The following GRIA1 variants were observed in gnomAD, a reference collection of about 807,000 sequenced individuals.
GRIA1 encodes glutamate ionotropic receptor AMPA type subunit 1.
GRIA1 carries 31 observed loss-of-function variants against 99.2 expected under a neutral mutation model. The observed-to-expected ratio is 0.31, with a 90% confidence interval of 0.23 to 0.42. GRIA1 has a LOEUF of 0.42. GRIA1 is among the 10% of genes least tolerant of loss of function. GRIA1 has a pLI of 1.00. For synonymous variants in GRIA1, 438 were observed against 432.4 expected, an observed-to-expected ratio of 1.01 and a Z score of -0.16; for missense variants, 782 against 1,157.5, an observed-to-expected ratio of 0.68 and a Z score of 4.71.
intron 11 of GRIA1, among the ~76,000 whole-genome samples, chr5:153,757,358 AAC>A (rs1762900064): frequency 6.6e-6 from 1 of 152,156 alleles, no homozygotes; most frequent in African/African-American, 2.4e-5. Flanking sequence ...GGAGAAGAAA[AAC>A]ACAAAAGGGT....
At chr5:153,555,193 C>G (rs1009272696) in intron 2 of GRIA1, among the ~76,000 whole-genome samples, 2 of 151,656 alleles carry the variant, frequency 1.3e-5, no homozygotes, top group African/African-American at 4.8e-5. Context: ...ACTACAGCAG[C>G]GTTTTGCAAC....
chr5:153,503,404 C>T (rs1304496907), intron 2 of GRIA1, among the ~76,000 whole-genome samples: 2 of 152,194 alleles, frequency 1.3e-5, no homozygotes, highest in African/African-American at 4.8e-5. Flanking sequence ...CTTATTAGAA[C>T]AGGCAAGTGC....
At chr5:153,747,757 C>T (rs77736162) in intron 11 of GRIA1, among the ~76,000 whole-genome samples, 1 of 152,316 alleles carries the variant, frequency 6.6e-6, no homozygotes, top group East Asian at 1.9e-4. Flanking sequence ...TTCCATGAAA[C>T]CTTTCCAAAG....
At position 153,656,383 on chromosome 5, in the gene GRIA1, TTA is replaced by T. The variant is rs60245651; in HGVS notation, c.699+541_699+542del. Among the ~76,000 whole-genome samples the T allele has an allele frequency of 2.5e-3, 233 of 92,634 alleles. 3 individuals are homozygous for T. Among genetic ancestry groups the T allele is most frequent in the East Asian group, 0.018 (69 of 3,830 alleles). The allele number at this position is 92,634 out of a possible 152,430, so 60.8% of individuals were successfully genotyped here. ...TTCTATATGGCATAGATAAGTTTGT[TTA>T]TATATATATATATATATATATATAT... On this transcript the variant is annotated intron_variant, in intron 5 of 15. Coordinates refer to ENST00000285900, the MANE Select transcript of GRIA1 (RefSeq NM_000827.4).
intron 13 of GRIA1, among the ~76,000 whole-genome samples, chr5:153,793,305 C>T (rs1765428353): frequency 6.6e-6 from 1 of 152,192 alleles, no homozygotes; most frequent in African/African-American, 2.4e-5. Context: ...GGTTTGATGG[C>T]TTCTTTGCCT....
chr5:153,750,018 G>C (rs1490356313), intron 11 of GRIA1, among the ~76,000 whole-genome samples: 1 of 152,086 alleles, frequency 6.6e-6, no homozygotes, highest in Admixed American at 6.5e-5. Flanking sequence ...TGGAGTGCTG[G>C]AACACAGTGA....
intron 2 of GRIA1, among the ~76,000 whole-genome samples, chr5:153,533,782 GCTGTCAT>G (rs1465207190): frequency 5.3e-5 from 8 of 152,228 alleles, no homozygotes; most frequent in Non-Finnish European, 1.2e-4. Flanking sequence ...AATCACAATA[GCTGTCAT>G]ATGAGTGCCG....
At chr5:153,680,255 C>T (rs892248375) in intron 7 of GRIA1, among the ~76,000 whole-genome samples, 2 of 152,062 alleles carry the variant, frequency 1.3e-5, no homozygotes, top group Non-Finnish European at 2.9e-5. Context: ...TGTAATTTCC[C>T]TAGCAGCAGA....
At chr5:153,781,955 G>A (rs1764664007) in intron 13 of GRIA1, among the ~76,000 whole-genome samples, 1 of 152,152 alleles carries the variant, frequency 6.6e-6, no homozygotes, top group Non-Finnish European at 1.5e-5. Context: ...TAAAGAAGAC[G>A]AGTAAAATGG....
intron 2 of GRIA1, among the ~76,000 whole-genome samples, chr5:153,607,042 G>GATATGT (rs1554102857): frequency 1.6e-5 from 2 of 127,772 alleles, no homozygotes; most frequent in Admixed American, 1.6e-4. Flanking sequence ...TATCACAAAA[G>GATATGT]ATATATATAT....
At chr5:153,587,614 C>T (rs1763605583) in intron 2 of GRIA1, among the ~76,000 whole-genome samples, 1 of 152,142 alleles carries the variant, frequency 6.6e-6, no homozygotes, top group African/African-American at 2.4e-5. Flanking sequence ...TACTAGGTTC[C>T]TTTGTCAGGT....
chr5:153,811,264 C>A lies in GRIA1; in HGVS notation c.*39C>A. The A allele has an allele frequency of 6.6e-7, 1 of 1,510,986 alleles. No individual in the cohort carries two copies. The highest frequency in any genetic ancestry group is 9.2e-7 in the Non-Finnish European group (1 of 1,088,054). 93.6% of individuals were successfully genotyped at this position (1,510,986 alleles called of 1,614,324 possible). ...AGACCCCTTGGGGAGCAGGCTCGGG[C>A]TCCCCAGCCCCATCCCAAACCCTTC... On this transcript the variant is annotated 3_prime_UTR_variant, in exon 16 of 16. Transcript: ENST00000285900.
intron 2 of GRIA1, among the ~76,000 whole-genome samples, chr5:153,543,074 T>C (rs1306701092): frequency 6.6e-6 from 1 of 152,240 alleles, no homozygotes; most frequent in Non-Finnish European, 1.5e-5. Flanking sequence ...TTTTGCCTTT[T>C]ATTTTTGCCT....
chr5:153,783,044 G>A (rs1581650191), intron 13 of GRIA1, among the ~76,000 whole-genome samples: 2 of 152,186 alleles, frequency 1.3e-5, no homozygotes, highest in South Asian at 4.1e-4. Context: ...AGACCTGCAG[G>A]AGCAGAGTTT....
intron 5 of GRIA1, among the ~76,000 whole-genome samples, chr5:153,658,313 C>A (rs896704627): frequency 2.0e-5 from 3 of 152,098 alleles, no homozygotes; most frequent in Non-Finnish European, 2.9e-5. Flanking sequence ...CACTGAAAGA[C>A]CCCAGGTAAT....
chr5:153,744,203 C>T (rs1048990646), intron 11 of GRIA1, among the ~76,000 whole-genome samples: 1 of 152,054 alleles, frequency 6.6e-6, no homozygotes. Flanking sequence ...CATTTCTTAT[C>T]GATAATAATT....
At chr5:153,678,193 G>A (rs764882218) in intron 7 of GRIA1, among the ~76,000 whole-genome samples, 1 of 152,216 alleles carries the variant, frequency 6.6e-6, no homozygotes, top group Non-Finnish European at 1.5e-5. Flanking sequence ...TTGGGGAGAA[G>A]AGGAGCATTT....
intron 11 of GRIA1, among the ~76,000 whole-genome samples, chr5:153,722,191 G>A (rs1185743642): frequency 6.6e-6 from 1 of 152,042 alleles, no homozygotes; most frequent in Non-Finnish European, 1.5e-5. Flanking sequence ...TGTTGTACAA[G>A]TATTCTTCAT....
rs111643419 is a variant in GRIA1, at chr5:153,653,545, A to C, written c.646-2274A>C. 5.7e-3 allele frequency among the ~76,000 whole-genome samples: 864 copies of C among 152,370 alleles called. 3 individuals are homozygous for C. The highest frequency in any genetic ancestry group is 9.5e-3 in the Non-Finnish European group (647 of 68,034). ...ATCAATATATGATGCCAAAGCATAT[A>C]AAACAGTCATTAAGCACAAAATTAG... On this transcript the variant is annotated intron_variant, in intron 4 of 15. Coordinates refer to ENST00000285900, the MANE Select transcript of GRIA1 (RefSeq NM_000827.4).
Sources: gnomAD v4.1 joint callset for allele counts (sites outside exome capture counted in the v4.1 genomes callset) on GRCh38, gnomAD v4.1.1 for gene constraint, MANE v1.5 for transcripts, NCBI Gene and HGNC (gene_info 2026-07-23, HGNC 2026-07-21) for gene names.